The following ANO3 variants were observed in gnomAD, a reference collection of about 807,000 sequenced individuals.
ANO3 encodes anoctamin 3.
Under a neutral mutation model 144.8 loss-of-function variants are expected in ANO3, and 99 were observed. The ratio of observed to expected loss-of-function variants is 0.68; its 90% confidence interval spans 0.58 to 0.81. ANO3 has a LOEUF of 0.81. ANO3 is among the 30% of genes least tolerant of loss of function. The probability of loss-of-function intolerance (pLI) is 0.00; values close to 1 mark genes in which losing one functional copy is unlikely to be tolerated. For missense variants in ANO3, 905 were observed against 1,202.2 expected, an observed-to-expected ratio of 0.75 and a Z score of 3.66; for synonymous variants, 414 against 392.6, an observed-to-expected ratio of 1.05 and a Z score of -0.64.
At chr11:26,528,778 T>A (rs983050507) in intron 7 of ANO3, among the ~76,000 whole-genome samples, 13 of 151,984 alleles carry the variant, frequency 8.6e-5, no homozygotes, top group African/African-American at 3.1e-4. Context: ...TATGCTAAAT[T>A]TAAAAAGCTT....
chr11:26,606,944 G>C (rs917477038), intron 17 of ANO3, among the ~76,000 whole-genome samples: 2 of 152,090 alleles, frequency 1.3e-5, no homozygotes, highest in African/African-American at 2.4e-5. Flanking sequence ...TCCTTCAGGA[G>C]CTCTGGCAAG....
chr11:26,520,859 C>A (rs1862044663), intron 6 of ANO3, among the ~76,000 whole-genome samples: 1 of 151,906 alleles, frequency 6.6e-6, no homozygotes, highest in African/African-American at 2.4e-5. Flanking sequence ...GAAATCTTGT[C>A]TTGGATATTT....
chr11:26,260,926 T>G (rs967654492), intron 1 of ANO3, among the ~76,000 whole-genome samples: 1 of 152,110 alleles, frequency 6.6e-6, no homozygotes, highest in African/African-American at 2.4e-5. Flanking sequence ...CAAGAGAAAC[T>G]TACTGAGGCA....
chr11:26,251,522 T>C (rs1441151865), intron 1 of ANO3, among the ~76,000 whole-genome samples: 1 of 152,196 alleles, frequency 6.6e-6, no homozygotes, highest in Non-Finnish European at 1.5e-5. Context: ...TTCTCTTTAA[T>C]GAGATAATCT....
chr11:26,397,984 C>T (rs1213480541), intron 1 of ANO3, among the ~76,000 whole-genome samples: 1 of 151,214 alleles, frequency 6.6e-6, no homozygotes, highest in African/African-American at 2.4e-5. Flanking sequence ...CTCCCTTCAG[C>T]TTTTCTCAAT....
At chr11:26,531,915 A>G (rs950032166) in intron 8 of ANO3, among the ~76,000 whole-genome samples, 3 of 152,220 alleles carry the variant, frequency 2.0e-5, no homozygotes, top group Non-Finnish European at 2.9e-5. Flanking sequence ...CAGGTTGTGT[A>G]TATAAAGGAA....
chr11:26,470,003 G>A (rs1306247458), intron 4 of ANO3, among the ~76,000 whole-genome samples: 1 of 151,850 alleles, frequency 6.6e-6, no homozygotes, highest in African/African-American at 2.4e-5. Context: ...TGTACATTGA[G>A]CCAAATTTTC....
chr11:26,438,719 A>G (rs985814740), intron 1 of ANO3, among the ~76,000 whole-genome samples: 1 of 151,154 alleles, frequency 6.6e-6, no homozygotes, highest in Non-Finnish European at 1.5e-5. Flanking sequence ...CAGAGGTTGC[A>G]GTGAGCTGAG....
chr11:26,448,499 C>T (rs1379094247), intron 3 of ANO3, among the ~76,000 whole-genome samples: 1 of 152,090 alleles, frequency 6.6e-6, no homozygotes, highest in Non-Finnish European at 1.5e-5. Context: ...AATAGTTTAG[C>T]TCAGTGGAAT....
At chr11:26,519,521 A>C (rs1177342455) in intron 6 of ANO3, among the ~76,000 whole-genome samples, 1 of 152,202 alleles carries the variant, frequency 6.6e-6, no homozygotes, top group Non-Finnish European at 1.5e-5. Flanking sequence ...TAAGCAACAA[A>C]CATTTACTTG....
At chr11:26,317,436 A>G (rs926465268) in intron 1 of ANO3, among the ~76,000 whole-genome samples, 1 of 152,144 alleles carries the variant, frequency 6.6e-6, no homozygotes, top group Non-Finnish European at 1.5e-5. Context: ...CAACCCCATC[A>G]AAAAGTCGGC....
chr11:26,305,572 T>C (rs184713001), upstream of ANO3, among the ~76,000 whole-genome samples: 1 of 152,284 alleles, frequency 6.6e-6, no homozygotes, highest in East Asian at 1.9e-4. Context: ...ACAAGTAGTC[T>C]GCAGAGACTT....
chr11:26,617,697 C>G (rs773399160), intron 17 of ANO3, among the ~76,000 whole-genome samples: 1 of 152,134 alleles, frequency 6.6e-6, no homozygotes, highest in Non-Finnish European at 1.5e-5. Flanking sequence ...GCAACTAACT[C>G]AGGAGAAGAT....
chr11:26,282,167 T>C (rs1442759441), intron 1 of ANO3, among the ~76,000 whole-genome samples: 1 of 152,192 alleles, frequency 6.6e-6, no homozygotes, highest in Non-Finnish European at 1.5e-5. Flanking sequence ...AAACTCATTG[T>C]TTTTAGTTGA....
intron 1 of ANO3, among the ~76,000 whole-genome samples, chr11:26,340,111 T>C (rs936402128): frequency 2.6e-5 from 4 of 152,206 alleles, no homozygotes; most frequent in Non-Finnish European, 5.9e-5. Context: ...GGTACATTTC[T>C]TATCATCGTA....
intron 13 of ANO3, among the ~76,000 whole-genome samples, chr11:26,556,122 T>G (rs1850075091): frequency 6.6e-6 from 1 of 152,252 alleles, no homozygotes; most frequent in East Asian, 1.9e-4. Flanking sequence ...CTACTTTTAT[T>G]TTAGTACTTA....
At chr11:26,259,031 A>T (rs1853122064) in intron 1 of ANO3, among the ~76,000 whole-genome samples, 1 of 152,216 alleles carries the variant, frequency 6.6e-6, no homozygotes, top group African/African-American at 2.4e-5. Flanking sequence ...AAATTAAACA[A>T]TGATTGTCCA....
At chr11:26,365,235 G>T (rs1487158463) in intron 1 of ANO3, among the ~76,000 whole-genome samples, 1 of 152,212 alleles carries the variant, frequency 6.6e-6, no homozygotes, top group Non-Finnish European at 1.5e-5. Flanking sequence ...ACAAGAACAT[G>T]GGCAGCTCCA....
At chr11:26,223,385 T>C (rs67800780) in intron 1 of ANO3, among the ~76,000 whole-genome samples, 45,923 of 151,788 alleles carry the variant, frequency 0.3, 7,686 homozygotes, top group Non-Finnish European at 0.37. Flanking sequence ...ATTCAGTGTC[T>C]ATATTTCTAT....
Sources: allele counts gnomAD v4.1 joint callset (sites outside exome capture counted in the v4.1 genomes callset), GRCh38; gene constraint gnomAD v4.1.1; transcripts MANE v1.5; gene names NCBI Gene and HGNC (gene_info 2026-07-23, HGNC 2026-07-21).